The following CCDC57 variants were observed in gnomAD, a reference collection of about 807,000 sequenced individuals.
The protein encoded by CCDC57 is coiled-coil domain-containing protein 57.
A neutral mutation model predicts 118.9 loss-of-function variants in CCDC57; 118 were observed. That is an observed-to-expected ratio of 0.99 (90% CI 0.86 to 1.16). CCDC57 has a LOEUF of 1.16. Among genes scored for constraint, CCDC57 ranks in the 50% most tolerant of loss-of-function variants. The pLI, the probability that CCDC57 is intolerant of heterozygous loss-of-function variation, is 0.00. For missense variants in CCDC57, 1,300 were observed against 1,320.7 expected, an observed-to-expected ratio of 0.98 and a Z score of 0.24; for synonymous variants, 527 against 532.9, an observed-to-expected ratio of 0.99 and a Z score of 0.15.
chr17:82,178,621 G>T lies in CCDC57; in HGVS notation c.1375-16C>A. 2.5e-6 allele frequency: 4 copies of T among 1,609,338 alleles called. No homozygotes were observed. Among genetic ancestry groups the T allele is most frequent in the Non-Finnish European group, 3.4e-6 (4 of 1,179,550 alleles). On this transcript the variant is annotated splice_polypyrimidine_tract_variant and intron_variant, in intron 10 of 19. Transcript: ENST00000665763. Reference sequence around the variant, plus strand: ...TGGCAGCAACCTGGGAAAAACGCTGGGACTCAGTCCCTGTGTGGATGACCG... The same window carrying T: ...TGGCAGCAACCTGGGAAAAACGCTGTGACTCAGTCCCTGTGTGGATGACCG...
chr17:82,205,289 T>C (rs2049486022), intron 2 of CCDC57, among the ~76,000 whole-genome samples: 1 of 152,226 alleles, frequency 6.6e-6, no homozygotes, highest in Non-Finnish European at 1.5e-5. Context: ...GAGGGACTGC[T>C]GTGGCCCCCG....
At chr17:82,154,757 C>T (rs2042478712) in intron 15 of CCDC57, 2 of 151,832 alleles carry the variant, frequency 1.3e-5, no homozygotes. Flanking sequence ...TCCCACGTGG[C>T]GTTTCTACGG....
At chr17:82,178,665 T>C in intron 10 of CCDC57, 60 bp from the exon 10 acceptor site, 1 of 1,584,362 alleles carries the variant, frequency 6.3e-7, no homozygotes, top group South Asian at 1.1e-5. Flanking sequence ...CCATGCCTGC[T>C]GAGGCTCCAA....
At chr17:82,178,352 T>C in intron 11 of CCDC57, 122 bp downstream of exon 10, 2 of 1,156,048 alleles carry the variant, frequency 1.7e-6, no homozygotes, top group Non-Finnish European at 1.2e-6. Context: ...GTGCAACAGG[T>C]CATTTAAAAA....
At chr17:82,117,374 G>A (rs1448864127) in intron 19 of CCDC57, among the ~76,000 whole-genome samples, 1 of 151,260 alleles carries the variant, frequency 6.6e-6, no homozygotes, top group East Asian at 2.0e-4. Context: ...TAGGCCAGGT[G>A]CTCATGCCTG....
chr17:82,163,456 G>C lies in CCDC57; in HGVS notation c.1883-99C>G, dbSNP rs1219629154. 3 of 1,440,420 alleles carry C rather than the reference G, an allele frequency of 2.1e-6. No homozygotes were observed. The African/African-American group carries it at 4.2e-5, about 20-fold the overall frequency. The allele number at this position is 1,440,420 out of a possible 1,614,324, so 89.2% of individuals were successfully genotyped here. A position where few individuals can be genotyped will look rare whatever the true frequency, so the allele number is the denominator to read the frequency against. On this transcript the variant is annotated intron_variant, in intron 13 of 19. Coordinates refer to ENST00000665763, the Ensembl canonical transcript of CCDC57. ...CTATCAGCTCTCCCTTTCCCGTGAG[G>C]CCATGGCACCAGCGGCTGACCCCAA...
intron 16 of CCDC57, among the ~76,000 whole-genome samples, chr17:82,147,097 T>C (rs2040855205): frequency 6.6e-6 from 1 of 151,472 alleles, no homozygotes. Flanking sequence ...TGGATGGATA[T>C]ATGGATGGTA....
chr17:82,197,390 G>A (rs1275976859), intron 4 of CCDC57, among the ~76,000 whole-genome samples: 2 of 152,248 alleles, frequency 1.3e-5, no homozygotes. Context: ...TCTATAGGAT[G>A]TCTTTCAACA....
chr17:82,127,266 C>T (rs1468890888), intron 19 of CCDC57: 6 of 985,178 alleles, frequency 6.1e-6, no homozygotes, highest in Non-Finnish European at 7.2e-6. Context: ...GGCTCTTCCC[C>T]GGGAGCATCG....
intron 2 of CCDC57, among the ~76,000 whole-genome samples, chr17:82,205,664 A>G (rs2049534699): frequency 6.6e-6 from 1 of 152,202 alleles, no homozygotes; most frequent in Admixed American, 6.5e-5. Flanking sequence ...AGCTTCAGGC[A>G]GCCAGGACAG....
At chr17:82,144,703 G>A (rs567244309) in intron 16 of CCDC57, among the ~76,000 whole-genome samples, 2 of 152,252 alleles carry the variant, frequency 1.3e-5, no homozygotes, top group East Asian at 3.9e-4. Flanking sequence ...TTTTAAATAC[G>A]TACGTGTCAT....
intron 11 of CCDC57, among the ~76,000 whole-genome samples, chr17:82,173,741 A>G (rs2045076920): frequency 6.6e-6 from 1 of 152,196 alleles, no homozygotes; most frequent in African/African-American, 2.4e-5. Context: ...GAGACATGTT[A>G]CCCTAGGGTC....
intron 9 of CCDC57, among the ~76,000 whole-genome samples, 159 bp downstream of exon 8, chr17:82,183,614 CT>C (rs2046471726): frequency 2.0e-5 from 3 of 152,134 alleles, no homozygotes; most frequent in Admixed American, 2.0e-4. Flanking sequence ...CACACCACCC[CT>C]GCGTGACCAG....
At chr17:82,123,827 T>C (rs1369900362) in intron 19 of CCDC57, among the ~76,000 whole-genome samples, 2 of 151,882 alleles carry the variant, frequency 1.3e-5, no homozygotes, top group Admixed American at 1.3e-4. Flanking sequence ...AACATGAGGA[T>C]GTTGAGATTT....
intron 16 of CCDC57, chr17:82,145,916 G>C: frequency 2.7e-6 from 1 of 376,934 alleles, no homozygotes; most frequent in South Asian, 1.9e-5. Flanking sequence ...AGAGCACAGG[G>C]GACGCCCCGG....
chr17:82,182,772 G>A (rs962338171), intron 9 of CCDC57, among the ~76,000 whole-genome samples: 1 of 151,940 alleles, frequency 6.6e-6, no homozygotes, highest in Non-Finnish European at 1.5e-5. Context: ...CAAAACCTCC[G>A]CCTCCTGGGT....
chr17:82,149,372 C>T (rs1486217803), intron 16 of CCDC57, among the ~76,000 whole-genome samples: 2 of 151,938 alleles, frequency 1.3e-5, no homozygotes, highest in Admixed American at 1.3e-4. Context: ...AACACTCAGT[C>T]ATAAAGCCAG....
At chr17:82,146,599 G>A (rs2040769920) in intron 16 of CCDC57, among the ~76,000 whole-genome samples, 1 of 152,188 alleles carries the variant, frequency 6.6e-6, no homozygotes, top group African/African-American at 2.4e-5. Flanking sequence ...AACAAATGGG[G>A]TATGTTTGGT....
rs2044925329 is a variant in CCDC57 at position 82,172,846 on chromosome 17, C to A, written c.1521G>T (p.Gln507His). The A allele has an allele frequency of 3.1e-6, 5 of 1,611,530 alleles. No individual in the cohort carries two copies. The South Asian group carries it at 5.5e-5, about 18-fold the overall frequency. The stretch of plus-strand genomic sequence containing the variant: ...AGTCTTTACTTATTTCTTCTTCATG[C>A]TGCCTGAGAAGCATCTGTCAAATAC... Residue 507 changes from glutamine to histidine, a missense_variant, in exon 12 of 20, where the codon CAG becomes CAT. By Grantham distance (24) the Gln-to-His change is conservative. Coordinates refer to ENST00000665763, the Ensembl canonical transcript of CCDC57. The surrounding 1 kb of genome is among the most constrained non-coding windows in gnomAD (Gnocchi z 5.2).
Sources: allele counts gnomAD v4.1 joint callset (sites outside exome capture counted in the v4.1 genomes callset), GRCh38; gene constraint gnomAD v4.1.1; non-coding constraint Gnocchi (gnomAD v3.1); transcripts MANE v1.5; gene names NCBI Gene and HGNC (gene_info 2026-07-23, HGNC 2026-07-21).